MYO10: variants seen among roughly 807,000 people sequenced by gnomAD.
MYO10 encodes the protein unconventional myosin-X.
In MYO10, 133 loss-of-function variants were observed where a neutral mutation model predicts 257.3. The observed-to-expected ratio is 0.52, with a 90% CI of 0.45 to 0.60. The LOEUF (loss-of-function observed/expected upper bound fraction) is 0.60. MYO10 is among the 20% of genes least tolerant of loss of function. MYO10 has a pLI of 0.00. For missense variants in MYO10, 2,399 were observed against 2,635.7 expected, an observed-to-expected ratio of 0.91 and a Z score of 1.97; for synonymous variants, 1,104 against 1,028.6, an observed-to-expected ratio of 1.07 and a Z score of -1.40.
intron 37 of MYO10, 72 bp from the exon 38 acceptor site, chr5:16,671,614 T>G (rs1736467241): frequency 1.9e-6 from 3 of 1,568,920 alleles, no homozygotes; most frequent in Non-Finnish European, 2.6e-6. Context: ...GGGACCTGAC[T>G]TTACATGGTG....
intron 2 of MYO10, among the ~76,000 whole-genome samples, chr5:16,864,282 T>C (rs1161621172): frequency 1.3e-5 from 2 of 152,016 alleles, no homozygotes; most frequent in Non-Finnish European, 2.9e-5. Context: ...TGATTACAAA[T>C]GGAGCTTCAT....
At chr5:16,893,644 A>AG (rs1000553399) in intron 1 of MYO10, among the ~76,000 whole-genome samples, 2 of 147,812 alleles carry the variant, frequency 1.4e-5, no homozygotes, top group African/African-American at 5.2e-5. Context: ...AAAAAAAAAA[A>AG]AAAAAAAAGA....
At chr5:16,712,959 G>C (rs551944690) in intron 19 of MYO10, among the ~76,000 whole-genome samples, 1 of 152,256 alleles carries the variant, frequency 6.6e-6, no homozygotes, top group East Asian at 1.9e-4. Flanking sequence ...TGCGGGTTGG[G>C]GGGTGGCTGA....
At chr5:16,725,566 T>C (rs1319167774) in intron 19 of MYO10, among the ~76,000 whole-genome samples, 1 of 152,204 alleles carries the variant, frequency 6.6e-6, no homozygotes, top group Non-Finnish European at 1.5e-5. Flanking sequence ...GTGTGTGATA[T>C]ACATTTTTAA....
At chr5:16,884,645 T>C (rs1233903219) in intron 1 of MYO10, among the ~76,000 whole-genome samples, 1 of 148,574 alleles carries the variant, frequency 6.7e-6, no homozygotes, top group East Asian at 2.0e-4. Context: ...GCACTTTTTC[T>C]CCTGTTTTCG....
chr5:16,889,595 AAGAC>A, intron 1 of MYO10, among the ~76,000 whole-genome samples: 1 of 151,674 alleles, frequency 6.6e-6, no homozygotes, highest in Admixed American at 6.5e-5. Flanking sequence ...CAAGCCAAGA[AAGAC>A]AAGTAAGTAA....
intron 3 of MYO10, 58 bp from the exon 4 acceptor site, chr5:16,794,891 C>T (rs1218979851): frequency 1.5e-6 from 2 of 1,306,100 alleles, no homozygotes; most frequent in Admixed American, 7.1e-5. Context: ...ACTGGATGAG[C>T]TCCAACAAAA....
chr5:16,795,307 G>T (rs1218235691), intron 3 of MYO10, among the ~76,000 whole-genome samples: 1 of 152,156 alleles, frequency 6.6e-6, no homozygotes, highest in Non-Finnish European at 1.5e-5. Context: ...GGGTGATGGG[G>T]AAGTTCTGGA....
intron 2 of MYO10, among the ~76,000 whole-genome samples, chr5:16,850,296 A>G (rs1233238167): frequency 1.3e-5 from 2 of 152,040 alleles, no homozygotes; most frequent in African/African-American, 4.8e-5. Flanking sequence ...TTATTTTGAG[A>G]TGGAGTCTCA....
chr5:16,928,472 C>A (rs1464308201), intron 1 of MYO10, among the ~76,000 whole-genome samples: 2 of 152,074 alleles, frequency 1.3e-5, no homozygotes, highest in Non-Finnish European at 2.9e-5. Context: ...GGATTACAGG[C>A]ATGAGCACAT....
At chr5:16,838,733 G>A (rs1357192933) in intron 2 of MYO10, among the ~76,000 whole-genome samples, 1 of 152,150 alleles carries the variant, frequency 6.6e-6, no homozygotes, top group Non-Finnish European at 1.5e-5. Context: ...TCAAGGCCTG[G>A]CTTCAAAGGA....
chr5:16,740,862 T>TC (rs1739993838), intron 19 of MYO10, among the ~76,000 whole-genome samples: 1 of 151,532 alleles, frequency 6.6e-6, no homozygotes, highest in Non-Finnish European at 1.5e-5. Flanking sequence ...TGTGTCAGAT[T>TC]AATTACTCTC....
intron 26 of MYO10, among the ~76,000 whole-genome samples, chr5:16,697,933 C>A (rs256928): frequency 1.3e-5 from 2 of 152,084 alleles, no homozygotes; most frequent in African/African-American, 4.8e-5. Context: ...AGAAACAGGA[C>A]GGTCCCTTCT....
chr5:16,689,699 T>C (rs1174772178), intron 28 of MYO10, 125 bp downstream of exon 28: 1 of 717,184 alleles, frequency 1.4e-6, no homozygotes, highest in Non-Finnish European at 2.4e-6. Flanking sequence ...TGACTCTTGG[T>C]TCTTCAAAAA....
chr5:16,846,945 C>T (rs1743651161), intron 2 of MYO10, among the ~76,000 whole-genome samples: 1 of 151,324 alleles, frequency 6.6e-6, no homozygotes. Flanking sequence ...TGGTGAAACC[C>T]CATCTTTACT....
At chr5:16,768,031 C>T (rs956540179) in intron 10 of MYO10, among the ~76,000 whole-genome samples, 1 of 151,936 alleles carries the variant, frequency 6.6e-6, no homozygotes, top group African/African-American at 2.4e-5. Context: ...CCCACATAAA[C>T]AAAAGCTCTC....
intron 4 of MYO10, among the ~76,000 whole-genome samples, chr5:16,784,592 TG>T (rs2126672168): frequency 6.6e-6 from 1 of 152,230 alleles, no homozygotes; most frequent in African/African-American, 2.4e-5. Context: ...GCAAAGAGGC[TG>T]GAAACTTACA....
chr5:16,841,465 C>A (rs913614540), intron 2 of MYO10, among the ~76,000 whole-genome samples: 1 of 152,178 alleles, frequency 6.6e-6, no homozygotes, highest in Non-Finnish European at 1.5e-5. Context: ...CTTAAAATGT[C>A]TTTAAGTTAA....
At chr5:16,689,733 C>A in intron 28 of MYO10, 91 bp downstream of exon 28, 1 of 1,062,038 alleles carries the variant, frequency 9.4e-7, no homozygotes, top group Admixed American at 2.0e-5. Context: ...TTTTTCAAGG[C>A]CAGTACAGTA....
Sources: allele counts gnomAD v4.1 joint callset (sites outside exome capture counted in the v4.1 genomes callset), GRCh38; gene constraint gnomAD v4.1.1; transcripts MANE v1.5; gene names NCBI Gene and HGNC (gene_info 2026-07-23, HGNC 2026-07-21).